SCARA3: variants seen among roughly 807,000 people sequenced by gnomAD.
SCARA3 encodes cellular stress response gene protein.
In SCARA3, 39 loss-of-function variants were observed where a neutral mutation model predicts 47.0. The ratio of observed to expected loss-of-function variants is 0.83; its 90% CI spans 0.64 to 1.08. The LOEUF is 1.08. Ranked by LOEUF, SCARA3 falls within the 50% of genes least tolerant of loss-of-function variation. The probability of loss-of-function intolerance (pLI) is 0.00; values close to 1 mark genes in which losing one functional copy is unlikely to be tolerated. For synonymous variants in SCARA3, 356 were observed against 334.1 expected, an observed-to-expected ratio of 1.07 and a Z score of -0.71; for missense variants, 724 against 792.3, an observed-to-expected ratio of 0.91 and a Z score of 1.04.
the SCARA3 span, among the ~76,000 whole-genome samples, chr8:27,689,033 G>T: frequency 1.3e-5 from 2 of 152,128 alleles, no homozygotes; most frequent in Admixed American, 6.6e-5. Context: ...AGCCCCCAAG[G>T]CACCTCCTTA....
chr8:27,638,314 TTGTGTGTGTGTGTG>T (rs55695492), intron 1 of SCARA3, among the ~76,000 whole-genome samples: 6 of 146,620 alleles, frequency 4.1e-5, no homozygotes, highest in African/African-American at 1.5e-4. Context: ...AATTTAGTGA[TTGTGTGTGTGTGTG>T]TGTGTGTGTG....
chr8:27,674,217 CAGTT>C (rs1476797737), downstream of SCARA3, among the ~76,000 whole-genome samples: 3 of 152,178 alleles, frequency 2.0e-5, no homozygotes, highest in Admixed American at 1.3e-4. Context: ...AGGGGACAGA[CAGTT>C]AGAACTGCAA....
At chr8:27,707,066 T>C in the SCARA3 span, among the ~76,000 whole-genome samples, 2 of 152,102 alleles carry the variant, frequency 1.3e-5, no homozygotes, top group African/African-American at 4.8e-5. Flanking sequence ...AAGCACCAAA[T>C]AGTGAGGGTG....
At chr8:27,724,508 A>C in the SCARA3 span, among the ~76,000 whole-genome samples, 59,799 of 151,958 alleles carry the variant, frequency 0.39, 12,208 homozygotes, top group Middle Eastern at 0.45. Flanking sequence ...AAATACAAAA[A>C]TTAGCTTGGT....
At chr8:27,714,193 C>CTTTTTTTTTTTTTTTTTTT in the SCARA3 span, among the ~76,000 whole-genome samples, 1 of 114,128 alleles carries the variant, frequency 8.8e-6, no homozygotes, top group Non-Finnish European at 1.7e-5. Flanking sequence ...TCAGGTATTC[C>CTTTTTTTTTTTTTTTTTTT]TTTTTTTTTT....
At chr8:27,648,650 T>C (rs1046905482) in intron 1 of SCARA3, among the ~76,000 whole-genome samples, 1 of 152,034 alleles carries the variant, frequency 6.6e-6, no homozygotes, top group African/African-American at 2.4e-5. Context: ...CTTCTACTTC[T>C]AGCATTACCA....
intron 5 of SCARA3, among the ~76,000 whole-genome samples, chr8:27,669,531 C>T (rs930482460): frequency 2.6e-5 from 4 of 152,236 alleles, no homozygotes; most frequent in South Asian, 2.1e-4. Context: ...TCCTGCCTCC[C>T]GGCTTCTCTG....
the SCARA3 span, among the ~76,000 whole-genome samples, chr8:27,716,962 T>C: frequency 2.2e-3 from 330 of 152,284 alleles, 6 homozygotes; most frequent in East Asian, 0.056. Flanking sequence ...GCCAAAGAAA[T>C]GCATAATCTG....
chr8:27,687,701 G>A, the SCARA3 span, among the ~76,000 whole-genome samples: 1 of 152,044 alleles, frequency 6.6e-6, no homozygotes, highest in Admixed American at 6.6e-5. Context: ...CCCAAGAGGG[G>A]CAGAGGATGC....
the SCARA3 span, among the ~76,000 whole-genome samples, chr8:27,709,833 T>C: frequency 6.6e-6 from 1 of 151,982 alleles, no homozygotes; most frequent in African/African-American, 2.4e-5. Context: ...TTCCTTTCCC[T>C]CCCTCCAGAT....
At chr8:27,711,480 C>T in the SCARA3 span, among the ~76,000 whole-genome samples, 1 of 152,178 alleles carries the variant, frequency 6.6e-6, no homozygotes, top group Non-Finnish European at 1.5e-5. Flanking sequence ...CCCTGGCTTT[C>T]TGGAATGATA....
chr8:27,716,502 C>A, the SCARA3 span, among the ~76,000 whole-genome samples: 842 of 152,188 alleles, frequency 5.5e-3, 38 homozygotes, highest in East Asian at 0.099. Flanking sequence ...GGGGCTCCTG[C>A]TACTCAAATC....
chr8:27,707,734 A>G, the SCARA3 span, among the ~76,000 whole-genome samples: 1 of 151,934 alleles, frequency 6.6e-6, no homozygotes, highest in Non-Finnish European at 1.5e-5. Flanking sequence ...AGAGCCTGCC[A>G]CAAAAAATTT....
intron 1 of SCARA3, among the ~76,000 whole-genome samples, chr8:27,646,339 T>TG (rs757845363): frequency 3.9e-5 from 6 of 152,218 alleles, no homozygotes; most frequent in Non-Finnish European, 5.9e-5. Flanking sequence ...GTTGCTAATC[T>TG]GGGGGGCTGT....
downstream of SCARA3, among the ~76,000 whole-genome samples, chr8:27,676,276 A>G (rs373928885): frequency 2.6e-4 from 39 of 152,312 alleles, 1 homozygote; most frequent in East Asian, 4.4e-3. Flanking sequence ...CTAGTGACAA[A>G]GCTGTGACAA....
chr8:27,694,558 G>A, the SCARA3 span, among the ~76,000 whole-genome samples: 2 of 152,174 alleles, frequency 1.3e-5, no homozygotes, highest in African/African-American at 4.8e-5. Flanking sequence ...AAAGTAAGGT[G>A]AGGAAAACCA....
At chr8:27,693,327 T>C in the SCARA3 span, among the ~76,000 whole-genome samples, 1 of 152,306 alleles carries the variant, frequency 6.6e-6, no homozygotes, top group East Asian at 1.9e-4. Context: ...TAGGACCTCT[T>C]GAGACTGTGC....
chr8:27,722,946 T>G, the SCARA3 span, among the ~76,000 whole-genome samples: 1 of 151,714 alleles, frequency 6.6e-6, no homozygotes, highest in African/African-American at 2.4e-5. Flanking sequence ...TGAACCCATC[T>G]CTCCCTCCCA....
At chr8:27,697,151 C>T in the SCARA3 span, 1 of 193,110 alleles carries the variant, frequency 5.2e-6, no homozygotes, top group Non-Finnish European at 1.1e-5. Flanking sequence ...AAAAGGCATC[C>T]TTTCTTCCAG....
Sources: allele counts gnomAD v4.1 joint callset (sites outside exome capture counted in the v4.1 genomes callset), GRCh38; gene constraint gnomAD v4.1.1; transcripts MANE v1.5; gene names NCBI Gene and HGNC (gene_info 2026-07-23, HGNC 2026-07-21).